CCSER1: variants seen among roughly 807,000 people sequenced by gnomAD.
CCSER1 encodes the protein coiled-coil serine rich protein 1.
A neutral mutation model predicts 82.0 loss-of-function variants in CCSER1; 41 were observed. The ratio of observed to expected loss-of-function variants is 0.50; its 90% CI spans 0.39 to 0.65. CCSER1 has a LOEUF of 0.65. CCSER1 is among the 30% of genes least tolerant of loss of function. The probability of loss-of-function intolerance (pLI) is 0.00; values close to 1 mark genes in which losing one functional copy is unlikely to be tolerated. For missense variants in CCSER1, 1,119 were observed against 1,064.2 expected (o/e 1.05, Z -0.72); for synonymous variants, 414 against 383.9 (o/e 1.08, Z -0.92).
At chr4:90,158,867 A>G (rs1388004906) in intron 1 of CCSER1, among the ~76,000 whole-genome samples, 2 of 152,070 alleles carry the variant, frequency 1.3e-5, no homozygotes, top group Non-Finnish European at 2.9e-5. Context: ...CGGCTCGCGC[A>G]GGGTGTGCTG....
chr4:90,626,737 G>A (rs977424945), intron 5 of CCSER1, among the ~76,000 whole-genome samples: 1 of 152,006 alleles, frequency 6.6e-6, no homozygotes, highest in Non-Finnish European at 1.5e-5. Context: ...TCACCCCACT[G>A]GGAAATGGAT....
intron 10 of CCSER1, among the ~76,000 whole-genome samples, chr4:91,255,621 G>T (rs1382997286): frequency 6.6e-6 from 1 of 152,150 alleles, no homozygotes; most frequent in Non-Finnish European, 1.5e-5. Context: ...CGAAAGGAGG[G>T]ACCTGCTGAA....
chr4:90,845,714 T>A (rs770915069), intron 8 of CCSER1, among the ~76,000 whole-genome samples: 3 of 152,118 alleles, frequency 2.0e-5, no homozygotes, highest in Admixed American at 6.5e-5. Context: ...GTGCTTTTTT[T>A]TAAATTTAAT....
intron 10 of CCSER1, among the ~76,000 whole-genome samples, chr4:91,120,109 GTTTAATAATAA>G (rs1458820903): frequency 6.6e-6 from 1 of 151,954 alleles, no homozygotes; most frequent in African/African-American, 2.4e-5. Flanking sequence ...TACTTCGATT[GTTTAATAATAA>G]TTTGCATAAT....
Position 91,326,821 on chromosome 4 carries a change from C to T in CCSER1, c.2217+240827C>T, listed in dbSNP as rs150870561. ...CCAAAATAAAGGAATTGGCCAAAAC[C>T]AAGGGTCTGCAGGCCCCACCCAAGT... is the stretch of plus-strand genomic sequence containing the variant. On this transcript the variant is annotated intron_variant, in intron 10 of 10. Transcript: ENST00000509176. 2.6e-4 allele frequency among the ~76,000 whole-genome samples: 40 copies of T among 152,168 alleles called. 2 individuals are homozygous for T. Among genetic ancestry groups the T allele is most frequent in the African/African-American group, 9.2e-4 (38 of 41,528 alleles).
intron 6 of CCSER1, among the ~76,000 whole-genome samples, chr4:90,720,582 A>C (rs910899293): frequency 3.3e-5 from 5 of 152,016 alleles, no homozygotes; most frequent in Non-Finnish European, 7.4e-5. Flanking sequence ...CGGAGCTCCC[A>C]TACAAAGGGA....
intron 4 of CCSER1, among the ~76,000 whole-genome samples, chr4:90,406,126 C>T (rs1160527266): frequency 6.6e-6 from 1 of 152,068 alleles, no homozygotes; most frequent in Non-Finnish European, 1.5e-5. Context: ...ACTCACCTAA[C>T]ACGTAAGAAT....
At chr4:90,233,127 T>G (rs1322304744) in intron 1 of CCSER1, among the ~76,000 whole-genome samples, 3 of 152,154 alleles carry the variant, frequency 2.0e-5, no homozygotes, top group African/African-American at 4.8e-5. Context: ...TTACTGGGTA[T>G]ATACCCAAAG....
chr4:90,434,786 T>G (rs1170709968), intron 4 of CCSER1, among the ~76,000 whole-genome samples: 1 of 152,324 alleles, frequency 6.6e-6, no homozygotes, highest in Non-Finnish European at 1.5e-5. Context: ...GGGGATTTGG[T>G]AAAGATTTTC....
chr4:91,456,269 C>G (rs1456560072), intron 10 of CCSER1, among the ~76,000 whole-genome samples: 1 of 152,002 alleles, frequency 6.6e-6, no homozygotes, highest in East Asian at 1.9e-4. Flanking sequence ...GGTCTCTGCC[C>G]TCATGACCTA....
At chr4:90,578,883 A>T (rs1781082124) in intron 5 of CCSER1, among the ~76,000 whole-genome samples, 1 of 152,132 alleles carries the variant, frequency 6.6e-6, no homozygotes, top group South Asian at 2.1e-4. Flanking sequence ...CTTGAGGTAG[A>T]CATGACAGGT....
intron 1 of CCSER1, among the ~76,000 whole-genome samples, chr4:90,250,179 G>T (rs1234076339): frequency 2.0e-5 from 3 of 151,808 alleles, no homozygotes. Context: ...CCATTCTCTG[G>T]GCTTTTACCT....
chr4:90,816,103 G>A (rs964595243), intron 8 of CCSER1, among the ~76,000 whole-genome samples: 1 of 152,062 alleles, frequency 6.6e-6, no homozygotes, highest in East Asian at 1.9e-4. Context: ...TAAACATTTC[G>A]GTTGTATCTA....
At chr4:91,147,641 C>T (rs1729679845) in intron 10 of CCSER1, among the ~76,000 whole-genome samples, 1 of 152,120 alleles carries the variant, frequency 6.6e-6, no homozygotes, top group Non-Finnish European at 1.5e-5. Flanking sequence ...TTTTCTGGCC[C>T]CTTAGGGTGG....
At chr4:90,793,746 G>C (rs7697208) in intron 7 of CCSER1, among the ~76,000 whole-genome samples, 52,945 of 152,048 alleles carry the variant, frequency 0.35, 9,589 homozygotes, top group African/African-American at 0.46. Flanking sequence ...AATCACCACA[G>C]TGTCTTCCAC....
At chr4:91,286,188 G>C (rs1174063063) in intron 10 of CCSER1, among the ~76,000 whole-genome samples, 1 of 151,670 alleles carries the variant, frequency 6.6e-6, no homozygotes, top group South Asian at 2.1e-4. Flanking sequence ...ATGATGATAT[G>C]ATTAGAAAGG....
chr4:91,517,111 G>C (rs547079209), intron 10 of CCSER1, among the ~76,000 whole-genome samples: 45 of 152,240 alleles, frequency 3.0e-4, no homozygotes, highest in African/African-American at 9.9e-4. Context: ...AGACAATATG[G>C]AGTTTCAAGT....
At chr4:91,161,380 A>T (rs1731380322) in intron 10 of CCSER1, among the ~76,000 whole-genome samples, 2 of 152,158 alleles carry the variant, frequency 1.3e-5, no homozygotes, top group South Asian at 4.1e-4. Context: ...TGTCTTGGCA[A>T]TGTGGGCTCT....
At chr4:90,616,576 T>C (rs974669418) in intron 5 of CCSER1, among the ~76,000 whole-genome samples, 1 of 151,564 alleles carries the variant, frequency 6.6e-6, no homozygotes, top group Non-Finnish European at 1.5e-5. Flanking sequence ...TCCCAGATAC[T>C]TGGGAGGCTG....
Sources: allele counts gnomAD v4.1 joint callset (sites outside exome capture counted in the v4.1 genomes callset), GRCh38; gene constraint gnomAD v4.1.1; transcripts MANE v1.5; gene names NCBI Gene and HGNC (gene_info 2026-07-23, HGNC 2026-07-21).